UPK1A: variants seen among roughly 807,000 people sequenced by gnomAD.
The protein encoded by UPK1A is uroplakin 1A, also known as uroplakin-1a.
In UPK1A, 31 loss-of-function variants were observed where a neutral mutation model predicts 32.3. The observed-to-expected ratio is 0.96, with a 90% CI of 0.72 to 1.30. The LOEUF (loss-of-function observed/expected upper bound fraction) is 1.30. Among genes scored for constraint, UPK1A ranks in the 50% most tolerant of loss-of-function variants. The probability of loss-of-function intolerance (pLI) is 0.00; values close to 1 mark genes in which losing one functional copy is unlikely to be tolerated. For synonymous variants in UPK1A, 135 were observed against 137.1 expected, an observed-to-expected ratio of 0.98 and a Z score of 0.11; for missense variants, 340 against 357.4, an observed-to-expected ratio of 0.95 and a Z score of 0.39.
At chr19:35,666,895 T>C (rs1377321095) in exon 2 of UPK1A, 2 of 1,614,018 alleles carry the variant, frequency 1.2e-6, no homozygotes, top group Non-Finnish European at 1.7e-6. Flanking sequence ...ATCATTATTC[T>C]GGTGAGACTC....
chr19:35,672,967 G>A (rs1005063419), intron 3 of UPK1A, among the ~76,000 whole-genome samples: 2 of 151,298 alleles, frequency 1.3e-5, no homozygotes, highest in Non-Finnish European at 2.9e-5. Context: ...TCGCCCCCTC[G>A]GCCTCCCAAA....
chr19:35,677,359 C>G (rs1419527260), intron 6 of UPK1A, among the ~76,000 whole-genome samples: 1 of 150,582 alleles, frequency 6.6e-6, no homozygotes, highest in East Asian at 2.0e-4. Flanking sequence ...AACCCCGTCT[C>G]TACTAAAAAT....
intron 2 of UPK1A, among the ~76,000 whole-genome samples, chr19:35,667,396 G>A (rs1485887005): frequency 6.6e-6 from 1 of 151,866 alleles, no homozygotes; most frequent in Non-Finnish European, 1.5e-5. Context: ...TGCAGTGGCT[G>A]ATCTCAGCTA....
At position 35,677,973 on chromosome 19, in the gene UPK1A, A is replaced by C; in HGVS notation, c.733-2A>C. 1 of 1,600,294 alleles carries C rather than the reference A, an allele frequency of 6.2e-7. No homozygotes were observed. The highest frequency in any genetic ancestry group is 8.5e-7 in the Non-Finnish European group (1 of 1,173,860). On this transcript the variant is annotated splice_acceptor_variant, in intron 7 of 7. Transcript: ENST00000617999. LOFTEE classifies it high-confidence loss of function. ...GCCCTCATCTCGCTGCCTCCTCGCC[A>C]GCTCCCGGTCATGCTGATAGCCATG...
chr19:35,668,546 C>G (rs753612598), exon 3 of UPK1A: 8 of 1,614,076 alleles, frequency 5.0e-6, no homozygotes, highest in Non-Finnish European at 6.8e-6. Context: ...GCAAGGATGA[C>G]GTCTTCGCTG....
chr19:35,666,848 ATCT>A (rs1375552278), exon 2 of UPK1A: 2 of 1,613,820 alleles, frequency 1.2e-6, no homozygotes, highest in Non-Finnish European at 1.7e-6. Flanking sequence ...CCGAGAAGGG[ATCT>A]CCAGTTGTGG....
intron 3 of UPK1A, 80 bp from the exon 4 acceptor site, chr19:35,673,152 A>G (rs1275153882): frequency 1.4e-6 from 2 of 1,477,256 alleles, no homozygotes; most frequent in East Asian, 2.3e-5. Context: ...TAAAACTTGC[A>G]TTTCCCCAGT....
At position 35,666,902 on chromosome 19, in the gene UPK1A, A is replaced by G. The variant is rs764736278; in HGVS notation, c.84+6A>G. The G allele has an allele frequency of 2.0e-5, 33 of 1,611,754 alleles. No homozygotes were observed. The highest frequency in any genetic ancestry group is 2.7e-5 in the Non-Finnish European group (32 of 1,179,532). On this transcript the variant is annotated splice_donor_region_variant and intron_variant, in intron 2 of 7. Coordinates refer to ENST00000617999, the Ensembl canonical transcript of UPK1A. ...TGGGCAATATCATTATTCTGGTGAG[A>G]CTCGCCCCAGTGCTGGGAGCCGAGT...
chr19:35,676,541 G>A (rs1043033397), intron 6 of UPK1A, among the ~76,000 whole-genome samples: 1 of 151,910 alleles, frequency 6.6e-6, no homozygotes, highest in Non-Finnish European at 1.5e-5. Flanking sequence ...TCAGCAGGAT[G>A]CACCCAGGGT....
At chr19:35,675,041 C>CA (rs1174443353) in intron 5 of UPK1A, among the ~76,000 whole-genome samples, 3,693 of 78,624 alleles carry the variant, frequency 0.047, 132 homozygotes, top group African/African-American at 0.12. Context: ...GACTCCGTCT[C>CA]AAAAAAAAAA....
chr19:35,668,813 T>A, intron 3 of UPK1A, 159 bp downstream of exon 3: 1 of 825,440 alleles, frequency 1.2e-6, no homozygotes, highest in South Asian at 1.9e-5. Flanking sequence ...CACAGCCCAA[T>A]AACCCAGGCT....
chr19:35,668,232 GA>G, intron 2 of UPK1A: 1 of 609,558 alleles, frequency 1.6e-6, no homozygotes, highest in Admixed American at 2.8e-5. Context: ...TATCCCCGAA[GA>G]AACTGGCAGC....
chr19:35,677,188 C>A (rs1307446886), intron 6 of UPK1A, among the ~76,000 whole-genome samples: 1 of 151,144 alleles, frequency 6.6e-6, no homozygotes, highest in African/African-American at 2.4e-5. Context: ...GGTGCCACTG[C>A]ACTCTAGCCT....
At chr19:35,676,127 G>C in intron 6 of UPK1A, 108 bp downstream of exon 6, 1 of 1,235,312 alleles carries the variant, frequency 8.1e-7, no homozygotes, top group Non-Finnish European at 1.1e-6. Flanking sequence ...TGTCCGTCTA[G>C]CTTTTTCCCT....
chr19:35,675,802 G>A (rs765645172), intron 5 of UPK1A, 38 bp from the exon 6 acceptor site: 190 of 1,571,086 alleles, frequency 1.2e-4, no homozygotes, highest in Non-Finnish European at 1.6e-4. Flanking sequence ...TGTCCTCTCT[G>A]AGCCCGAGCC....
chr19:35,668,553 G>A (rs747719717), exon 3 of UPK1A: 10 of 1,614,028 alleles, frequency 6.2e-6, no homozygotes, highest in East Asian at 4.5e-5. Flanking sequence ...TGACGTCTTC[G>A]CTGGTGCCTG....
Position 35,677,907 on chromosome 19 carries a change from GGAGCCCACAGGCTGGGT to G in UPK1A, c.732+14_732+30del, listed in dbSNP as rs758374206. The G allele has an allele frequency of 3.1e-6, 5 of 1,609,582 alleles. No individual in the cohort carries two copies. Among genetic ancestry groups the G allele is most frequent in the Admixed American group, 1.7e-5 (1 of 59,592 alleles). On this transcript the variant is annotated intron_variant, in intron 7 of 7. Coordinates refer to ENST00000617999, the Ensembl canonical transcript of UPK1A. ...TCCTGATGTGGACGGTGAGAGGCGG[GGAGCCCACAGGCTGGGT>G]GGGCTGGGGGTGGGGGGCGGAGTGC... is the stretch of plus-strand genomic sequence containing the variant.
At chr19:35,666,684 C>G in intron 1 of UPK1A, 125 bp from the exon 2 acceptor site, 2 of 926,506 alleles carry the variant, frequency 2.2e-6, no homozygotes, top group South Asian at 1.5e-5. Context: ...GCTGTGGGTA[C>G]ATCAGTACCA....
intron 5 of UPK1A, among the ~76,000 whole-genome samples, chr19:35,674,802 G>A (rs1269961282): frequency 6.6e-6 from 1 of 152,070 alleles, no homozygotes; most frequent in Non-Finnish European, 1.5e-5. Context: ...AACACTTTGG[G>A]AGGCAAAGGC....
Sources: gnomAD v4.1 joint callset for allele counts (sites outside exome capture counted in the v4.1 genomes callset) on GRCh38, gnomAD v4.1.1 for gene constraint, MANE v1.5 for transcripts, NCBI Gene and HGNC (gene_info 2026-07-23, HGNC 2026-07-21) for gene names.